Variants in ZBTB20 observed in about 807,000 individuals in gnomAD.
ZBTB20 encodes zinc finger and BTB domain containing 20.
In ZBTB20, 9 loss-of-function variants were observed where a neutral mutation model predicts 56.9. That is an observed-to-expected ratio of 0.16 (90% CI 0.10 to 0.28). The LOEUF (loss-of-function observed/expected upper bound fraction) is 0.28, where lower values mean the gene tolerates loss of function less well. ZBTB20 is among the 10% of genes least tolerant of loss of function. ZBTB20 has a pLI of 1.00. For synonymous variants in ZBTB20, 417 were observed against 420.7 expected (o/e 0.99, Z 0.11); for missense variants, 655 against 1,003.0 (o/e 0.65, Z 4.69).
At chr3:114,646,829 T>C (rs981501119) in intron 6 of ZBTB20, among the ~76,000 whole-genome samples, 4 of 152,228 alleles carry the variant, frequency 2.6e-5, no homozygotes, top group African/African-American at 9.6e-5. Context: ...ATATGCAGAT[T>C]AAGTAGAAGG....
intron 6 of ZBTB20, chr3:114,528,693 A>G (rs1214689881): frequency 6.6e-6 from 1 of 152,160 alleles, no homozygotes; most frequent in African/African-American, 2.4e-5. Flanking sequence ...ACAGTGACTC[A>G]CTGTGTGACA....
intron 10 of ZBTB20, chr3:114,366,767 G>A (rs1197706236): frequency 6.6e-6 from 1 of 152,226 alleles, no homozygotes; most frequent in Non-Finnish European, 1.5e-5. Context: ...ACCAAAAACC[G>A]TGGGCACCAC....
chr3:114,448,390 A>G (rs2091402516), intron 7 of ZBTB20, among the ~76,000 whole-genome samples: 1 of 152,138 alleles, frequency 6.6e-6, no homozygotes, highest in African/African-American at 2.4e-5. Flanking sequence ...CAGAAAAATT[A>G]TCGTATCATA....
rs140586375 is a variant in ZBTB20 at position 114,355,357 on chromosome 3, A to C, written c.200-3479T>G. Among the ~76,000 whole-genome samples, 669 of 152,232 alleles carry C rather than the reference A, an allele frequency of 4.4e-3. 5 individuals are homozygous for C. The highest frequency in any genetic ancestry group is 0.015 in the African/African-American group (639 of 41,542). On this transcript the variant is annotated intron_variant, in intron 10 of 11. Coordinates refer to ENST00000675478, the MANE Select transcript of ZBTB20 (RefSeq NM_001348800.3). The stretch of plus-strand genomic sequence containing the variant: ...CTGCACACGTACACAACCTGATCTG[A>C]CATGCCTGGTTGAATTTTATACACA...
At chr3:114,630,593 T>C (rs1390854891) in intron 6 of ZBTB20, among the ~76,000 whole-genome samples, 2 of 152,184 alleles carry the variant, frequency 1.3e-5, no homozygotes, top group Admixed American at 6.5e-5. Flanking sequence ...AGCTACATGC[T>C]GTAAAGGTTG....
chr3:115,052,932 C>CA (rs2081607640), intron 2 of ZBTB20, among the ~76,000 whole-genome samples: 1 of 151,922 alleles, frequency 6.6e-6, no homozygotes, highest in South Asian at 2.1e-4. Flanking sequence ...TAATTAATTT[C>CA]AAAAAACGTT....
At chr3:114,844,589 T>A (rs1257840393) in intron 4 of ZBTB20, among the ~76,000 whole-genome samples, 1 of 109,362 alleles carries the variant, frequency 9.1e-6, no homozygotes, top group African/African-American at 3.5e-5. Flanking sequence ...AGGCATGAAA[T>A]GGCTGGATAA....
At chr3:114,563,851 C>T (rs1051283512) in intron 6 of ZBTB20, among the ~76,000 whole-genome samples, 1 of 152,132 alleles carries the variant, frequency 6.6e-6, no homozygotes, top group African/African-American at 2.4e-5. Context: ...GTACTCTTAA[C>T]TAGATAACTT....
chr3:114,368,861 T>A (rs2082697256), intron 10 of ZBTB20, among the ~76,000 whole-genome samples: 1 of 152,174 alleles, frequency 6.6e-6, no homozygotes. Context: ...ATCTGGGACC[T>A]TTAGGTCAGG....
intron 6 of ZBTB20, among the ~76,000 whole-genome samples, chr3:114,587,943 A>G (rs182365174): frequency 1.3e-5 from 2 of 152,286 alleles, no homozygotes; most frequent in Admixed American, 6.5e-5. Context: ...TTCCTACTTT[A>G]ATGCACTGGG....
intron 4 of ZBTB20, among the ~76,000 whole-genome samples, chr3:114,883,995 G>A (rs2076505202): frequency 8.3e-6 from 1 of 120,578 alleles, no homozygotes; most frequent in South Asian, 3.2e-4. Flanking sequence ...GCAGGATCTC[G>A]GCTCACTGCA....
chr3:115,115,593 G>C (rs2083994901), intron 1 of ZBTB20, among the ~76,000 whole-genome samples: 1 of 151,952 alleles, frequency 6.6e-6, no homozygotes, highest in Non-Finnish European at 1.5e-5. Flanking sequence ...TATTCTAGCA[G>C]TATTTGCTGA....
chr3:114,693,678 TACTG>T (rs762911313), intron 5 of ZBTB20, 103 bp from the exon 6 acceptor site: 1 of 152,268 alleles, frequency 6.6e-6, no homozygotes, highest in Non-Finnish European at 1.5e-5. Context: ...CACTTTGGGA[TACTG>T]ACTAAGTGGT....
chr3:115,106,005 A>G (rs1272307513), intron 1 of ZBTB20, among the ~76,000 whole-genome samples: 2 of 151,674 alleles, frequency 1.3e-5, no homozygotes, highest in Admixed American at 1.3e-4. Context: ...TTTAGTAGAG[A>G]CAGGATTTCA....
chr3:114,955,417 C>T lies in ZBTB20; in HGVS notation c.-456+18949G>A, dbSNP rs574577153. On this transcript the variant is annotated intron_variant, in intron 3 of 11. Transcript: ENST00000675478. ...TCCACATTGTTTGCATCATTCCTAACCCCTGAATTGAATTCACTTGTTAGC... is the reference window on the plus strand; with the variant it reads ...TCCACATTGTTTGCATCATTCCTAATCCCTGAATTGAATTCACTTGTTAGC... 2.6e-5 allele frequency among the ~76,000 whole-genome samples: 4 copies of T among 152,314 alleles called. No individual in the cohort carries two copies. In the East Asian group the frequency reaches 7.7e-4, roughly 29 times the overall value.
chr3:114,872,955 T>C (rs2076063811), intron 4 of ZBTB20, among the ~76,000 whole-genome samples: 1 of 152,148 alleles, frequency 6.6e-6, no homozygotes, highest in South Asian at 2.1e-4. Flanking sequence ...TTTCACTTCA[T>C]AGTCTAATCA....
chr3:115,143,027 G>A (rs963658937), intron 1 of ZBTB20, among the ~76,000 whole-genome samples: 2 of 152,068 alleles, frequency 1.3e-5, no homozygotes, highest in African/African-American at 4.8e-5. Flanking sequence ...AAATTAAAAA[G>A]GAAAAACTGT....
chr3:114,689,449 A>G (rs1307142676), intron 6 of ZBTB20, among the ~76,000 whole-genome samples: 2 of 152,134 alleles, frequency 1.3e-5, no homozygotes, highest in Non-Finnish European at 2.9e-5. Flanking sequence ...ACTGGGGGAA[A>G]GGAGGTGGAA....
intron 8 of ZBTB20, among the ~76,000 whole-genome samples, chr3:114,382,590 G>C (rs912927493): frequency 1.3e-5 from 2 of 152,064 alleles, no homozygotes; most frequent in African/African-American, 4.8e-5. Context: ...TCTTATAACT[G>C]TCTTGATTCC....
Sources: gnomAD v4.1 joint callset for allele counts (sites outside exome capture counted in the v4.1 genomes callset) on GRCh38, gnomAD v4.1.1 for gene constraint, MANE v1.5 for transcripts, NCBI Gene and HGNC (gene_info 2026-07-23, HGNC 2026-07-21) for gene names.